The following WDR49 variants were observed in gnomAD, a reference collection of about 807,000 sequenced individuals.
WDR49 encodes the protein WD repeat domain 49, also known as cilia- and flagella-associated protein 337.
Under a neutral mutation model 119.5 loss-of-function variants are expected in WDR49, and 107 were observed. The ratio of observed to expected loss-of-function variants is 0.90; its 90% CI spans 0.77 to 1.05. The LOEUF (loss-of-function observed/expected upper bound fraction) is 1.05. WDR49 is among the 50% of genes least tolerant of loss of function. The probability of loss-of-function intolerance (pLI) is 0.00; values close to 1 mark genes in which losing one functional copy is unlikely to be tolerated. For missense variants in WDR49, 1,240 were observed against 1,220.5 expected, an observed-to-expected ratio of 1.02 and a Z score of -0.24; for synonymous variants, 425 against 418.8, an observed-to-expected ratio of 1.01 and a Z score of -0.18.
At position 167,532,973 on chromosome 3, in the gene WDR49, A is replaced by G. The variant is rs746078663; in HGVS notation, c.1959T>C (p.Ser653=). 2 of 1,594,912 alleles carry G rather than the reference A, an allele frequency of 1.3e-6. No individual in the cohort carries two copies. The highest frequency in any genetic ancestry group is 1.1e-5 in the South Asian group (1 of 89,112). Residue 653 remains serine, a synonymous_variant, in exon 12 of 19, where the codon AGT becomes AGC. Coordinates refer to ENST00000682715, the MANE Select transcript of WDR49 (RefSeq NM_001366157.1). The part of the protein sequence containing the change: ...FLPPQTLVTG[S]YDGEIVLWNN... Reference sequence around the variant, plus strand: ...TCCATAGAACAATTTCTCCATCATAACTCCCTACACAAGACAGGATGGAGA... The same window carrying G: ...TCCATAGAACAATTTCTCCATCATAGCTCCCTACACAAGACAGGATGGAGA...
upstream of WDR49, among the ~76,000 whole-genome samples, chr3:167,657,829 C>T (rs1458585093): frequency 1.3e-5 from 2 of 152,210 alleles, no homozygotes; most frequent in Non-Finnish European, 2.9e-5. Context: ...TTCCCATCAT[C>T]TTCTTGCCTC....
At chr3:167,489,380 A>G (rs1009707092) in intron 18 of WDR49, among the ~76,000 whole-genome samples, 2 of 152,132 alleles carry the variant, frequency 1.3e-5, no homozygotes, top group African/African-American at 4.8e-5. Flanking sequence ...TCTCCATGTC[A>G]CATATATACA....
chr3:167,577,072 A>C (rs1172420760), intron 7 of WDR49, among the ~76,000 whole-genome samples: 1 of 152,234 alleles, frequency 6.6e-6, no homozygotes, highest in Non-Finnish European at 1.5e-5. Flanking sequence ...CAAGACACAT[A>C]AATGACATGC....
chr3:167,639,401 T>C (rs1268375565), intron 2 of WDR49, among the ~76,000 whole-genome samples: 1 of 151,648 alleles, frequency 6.6e-6, no homozygotes, highest in Non-Finnish European at 1.5e-5. Flanking sequence ...GTCACATAGT[T>C]CACTATTAGC....
intron 8 of WDR49, among the ~76,000 whole-genome samples, chr3:167,574,638 C>T (rs1032006413): frequency 7.2e-5 from 11 of 152,156 alleles, no homozygotes; most frequent in African/African-American, 2.4e-4. Flanking sequence ...GTTACCTTGG[C>T]TTTGTCTTTA....
intron 9 of WDR49, among the ~76,000 whole-genome samples, chr3:167,557,878 T>C (rs774850469): frequency 6.6e-6 from 1 of 152,226 alleles, no homozygotes; most frequent in Non-Finnish European, 1.5e-5. Flanking sequence ...AACATTATTA[T>C]TATTGTATCC....
chr3:167,553,543 T>TA (rs1354980805), intron 10 of WDR49, among the ~76,000 whole-genome samples: 3 of 152,166 alleles, frequency 2.0e-5, no homozygotes, highest in South Asian at 2.1e-4. Context: ...TTGATTATTT[T>TA]AAAAAATTCC....
At chr3:167,513,050 C>T (rs1752047797) in intron 16 of WDR49, among the ~76,000 whole-genome samples, 1 of 152,174 alleles carries the variant, frequency 6.6e-6, no homozygotes, top group Non-Finnish European at 1.5e-5. Flanking sequence ...TCCAGGAGAA[C>T]TTTCTCAACC....
intron 5 of WDR49, among the ~76,000 whole-genome samples, chr3:167,614,354 T>A (rs1173254744): frequency 2.0e-5 from 3 of 152,128 alleles, no homozygotes; most frequent in African/African-American, 7.2e-5. Context: ...CCACCTCGGC[T>A]TCCCAAAATG....
intron 18 of WDR49, among the ~76,000 whole-genome samples, chr3:167,486,601 T>C (rs1332486257): frequency 1.3e-5 from 2 of 152,148 alleles, no homozygotes; most frequent in East Asian, 3.8e-4. Flanking sequence ...CAGGGGTCCC[T>C]ATTCTTAAAT....
intron 7 of WDR49, among the ~76,000 whole-genome samples, chr3:167,577,155 C>T (rs1714290758): frequency 6.6e-6 from 1 of 152,082 alleles, no homozygotes. Flanking sequence ...ATTCAATAGA[C>T]ATTAAAAAAT....
chr3:167,506,181 C>T (rs1577204270), intron 16 of WDR49, among the ~76,000 whole-genome samples: 1 of 152,272 alleles, frequency 6.6e-6, no homozygotes, highest in Admixed American at 6.5e-5. Flanking sequence ...CTGCATCCCT[C>T]AGCCCTTTAT....
chr3:167,496,626 C>T (rs911512577), intron 18 of WDR49, among the ~76,000 whole-genome samples: 1 of 152,136 alleles, frequency 6.6e-6, no homozygotes, highest in Non-Finnish European at 1.5e-5. Flanking sequence ...TATTTGTCTA[C>T]TTATCTATTT....
intron 5 of WDR49, among the ~76,000 whole-genome samples, chr3:167,606,524 T>C (rs779097875): frequency 1.3e-5 from 2 of 152,206 alleles, no homozygotes; most frequent in Admixed American, 6.5e-5. Flanking sequence ...ACTTCTTTAA[T>C]GTAAATGAGT....
chr3:167,505,805 T>C (rs184877319), intron 16 of WDR49, among the ~76,000 whole-genome samples: 61 of 152,346 alleles, frequency 4.0e-4, no homozygotes, highest in African/African-American at 1.3e-3. Context: ...TATTCAGTGT[T>C]AGGCGTGTAT....
intron 7 of WDR49, among the ~76,000 whole-genome samples, chr3:167,590,795 T>G (rs1260115251): frequency 6.6e-6 from 1 of 152,016 alleles, no homozygotes; most frequent in Non-Finnish European, 1.5e-5. Context: ...TTTTCTCTCT[T>G]TTTTTTCTGG....
At chr3:167,609,573 C>G (rs1442404144) in intron 5 of WDR49, among the ~76,000 whole-genome samples, 1 of 152,186 alleles carries the variant, frequency 6.6e-6, no homozygotes, top group African/African-American at 2.4e-5. Context: ...GGCTACAGCA[C>G]TGTTTGTCTC....
chr3:167,617,575 A>C (rs1052586560), intron 5 of WDR49, among the ~76,000 whole-genome samples: 1 of 152,124 alleles, frequency 6.6e-6, no homozygotes, highest in African/African-American at 2.4e-5. Flanking sequence ...TTTTAAAGAA[A>C]GACTTGTCTT....
chr3:167,602,155 T>A lies in WDR49; in HGVS notation c.1247A>T (p.Lys416Ile), dbSNP rs1462255071. Residue 416 changes from lysine to isoleucine, a missense_variant, in exon 7 of 19, where the codon AAA becomes ATA. Transcript: ENST00000682715. ...VIAVQFFVER[K>I]QLFSFSKDKV... ...ATCCTTGGAGAAGCTGAAAAGTTGT[T>A]TTCTTTCCACAAAGAATTGGACGGC... 1 of 1,599,626 alleles carries A rather than the reference T, an allele frequency of 6.3e-7. No individual in the cohort carries two copies. Among genetic ancestry groups the A allele is most frequent in the Admixed American group, 1.7e-5 (1 of 59,854 alleles).
Sources: allele counts gnomAD v4.1 joint callset (sites outside exome capture counted in the v4.1 genomes callset), GRCh38; gene constraint gnomAD v4.1.1; transcripts MANE v1.5; gene names NCBI Gene and HGNC (gene_info 2026-07-23, HGNC 2026-07-21).